Variants in NTN4 observed in about 807,000 individuals in gnomAD.
The protein encoded by NTN4 is netrin 4.
NTN4 carries 32 observed loss-of-function variants against 73.6 expected under a neutral mutation model. That is an observed-to-expected ratio of 0.44 (90% CI 0.33 to 0.58). NTN4 has a LOEUF of 0.58. Ranked by LOEUF, NTN4 falls within the 20% of genes least tolerant of loss-of-function variation. The pLI is 0.04. For missense variants in NTN4, 654 were observed against 798.3 expected, an observed-to-expected ratio of 0.82 and a Z score of 2.18; for synonymous variants, 258 against 287.5, an observed-to-expected ratio of 0.90 and a Z score of 1.04.
chr12:95,697,998 C>T lies in NTN4; in HGVS notation c.1180+12443G>A, dbSNP rs144245177. On this transcript the variant is annotated intron_variant, in intron 5 of 9. Transcript: ENST00000343702. ...AACACTACAGTATAACAACTATTTA[C>T]ACAGCATTTACATTGTATTAGGTAT... Among the ~76,000 whole-genome samples, 512 of 152,306 alleles carry T rather than the reference C, an allele frequency of 3.4e-3. 4 individuals are homozygous for T. Among genetic ancestry groups the T allele is most frequent in the African/African-American group, 0.011 (464 of 41,572 alleles).
intron 2 of NTN4, among the ~76,000 whole-genome samples, chr12:95,773,248 C>A (rs1243366879): frequency 6.6e-6 from 1 of 152,150 alleles, no homozygotes; most frequent in Non-Finnish European, 1.5e-5. Flanking sequence ...AGGTGATTCA[C>A]CAGCCTCGGC....
At chr12:95,780,593 G>A (rs549019607) in intron 2 of NTN4, among the ~76,000 whole-genome samples, 87 of 152,170 alleles carry the variant, frequency 5.7e-4, no homozygotes, top group African/African-American at 1.3e-3. Context: ...AATCAAAACC[G>A]CAATGAGATA....
chr12:95,763,940 C>T (rs1401251619), intron 2 of NTN4, among the ~76,000 whole-genome samples: 1 of 152,120 alleles, frequency 6.6e-6, no homozygotes, highest in Non-Finnish European at 1.5e-5. Flanking sequence ...AACTGGAATG[C>T]AAGACTGAAG....
rs2078791631 is a variant in NTN4, at chr12:95,737,941, G to T, written c.789C>A (p.Phe263Leu). 6.2e-7 allele frequency: 1 copy of T among 1,614,018 alleles called. No individual in the cohort carries two copies. The highest frequency in any genetic ancestry group is 1.1e-5 in the South Asian group (1 of 91,092). Residue 263 changes from phenylalanine (F) to leucine (L), a missense_variant, in exon 3 of 10, where the codon TTC becomes TTA. Physicochemically the swap from Phe to Leu is conservative, Grantham distance 22. Transcript: ENST00000343702. Reference protein sequence around the residue: ...IYDFIVKGSCFCNGHADQCIP... With the variant: ...IYDFIVKGSCLCNGHADQCIP... ...TGCATTGATCAGCGTGGCCATTGCA[G>T]AAGCAGCTGCCCTTGACAATGAAAT...
chr12:95,727,052 T>G (rs188104373), intron 3 of NTN4, among the ~76,000 whole-genome samples: 1 of 152,210 alleles, frequency 6.6e-6, no homozygotes, highest in Middle Eastern at 3.2e-3. Flanking sequence ...CAGCAATGTA[T>G]GAAGGTTCCA....
intron 3 of NTN4, among the ~76,000 whole-genome samples, chr12:95,718,553 A>G (rs559040251): frequency 6.2e-4 from 95 of 152,292 alleles, no homozygotes; most frequent in African/African-American, 2.2e-3. Context: ...GAAACTACCC[A>G]AAATCCTTTT....
chr12:95,731,512 G>T lies in NTN4; in HGVS notation c.864+6354C>A, dbSNP rs2078737037. ...ATCTGGGAGGCAGAGGTTGCAGTGAGCCGAGATTGCGCCACTGTGCAACAG... is the reference window on the plus strand; with the variant it reads ...ATCTGGGAGGCAGAGGTTGCAGTGATCCGAGATTGCGCCACTGTGCAACAG... On this transcript the variant is annotated intron_variant, in intron 3 of 9. Coordinates refer to ENST00000343702, the MANE Select transcript of NTN4 (RefSeq NM_021229.4). Among the ~76,000 whole-genome samples, 6 of 152,272 alleles carry T rather than the reference G, an allele frequency of 3.9e-5. No individual in the cohort carries two copies. The South Asian group carries it at 1.2e-3, about 32-fold the overall frequency.
At chr12:95,707,305 G>A (rs905980260) in intron 5 of NTN4, among the ~76,000 whole-genome samples, 1 of 152,030 alleles carries the variant, frequency 6.6e-6, no homozygotes, top group African/African-American at 2.4e-5. Flanking sequence ...ATGCAGCCAC[G>A]CTAACCCCCA....
chr12:95,699,277 CT>C (rs2078465345), intron 5 of NTN4, among the ~76,000 whole-genome samples: 1 of 152,154 alleles, frequency 6.6e-6, no homozygotes, highest in Non-Finnish European at 1.5e-5. Context: ...CCTCAATAAC[CT>C]TTGGGAAGGA....
At chr12:95,703,201 G>A (rs187496338) in intron 5 of NTN4, among the ~76,000 whole-genome samples, 22 of 152,214 alleles carry the variant, frequency 1.4e-4, no homozygotes, top group Admixed American at 1.4e-3. Context: ...AGAAGAGAGA[G>A]AAGAAGAAAA....
intron 2 of NTN4, among the ~76,000 whole-genome samples, chr12:95,751,819 T>G (rs1377575012): frequency 2.1e-5 from 2 of 95,310 alleles, no homozygotes; most frequent in African/African-American, 8.1e-5. Flanking sequence ...ATAACTGTTA[T>G]GGGTATTGAC....
intron 3 of NTN4, among the ~76,000 whole-genome samples, chr12:95,736,813 G>T (rs1452148791): frequency 6.6e-6 from 1 of 152,174 alleles, no homozygotes; most frequent in Non-Finnish European, 1.5e-5. Flanking sequence ...TAGTTACCCT[G>T]ATGCTGCCCC....
intron 7 of NTN4, among the ~76,000 whole-genome samples, chr12:95,678,498 A>C (rs1284657726): frequency 6.6e-6 from 1 of 152,148 alleles, no homozygotes; most frequent in Non-Finnish European, 1.5e-5. Flanking sequence ...TTAACGATAA[A>C]ATTAGAAATA....
At chr12:95,709,759 G>C (rs2078549740) in intron 5 of NTN4, among the ~76,000 whole-genome samples, 1 of 152,002 alleles carries the variant, frequency 6.6e-6, no homozygotes. Context: ...TCTCGAACTT[G>C]TAAGCTCAAA....
chr12:95,776,988 G>A (rs2079098165), intron 2 of NTN4, among the ~76,000 whole-genome samples: 2 of 152,202 alleles, frequency 1.3e-5, no homozygotes, highest in African/African-American at 4.8e-5. Flanking sequence ...CAAGCCAGAA[G>A]AGAGTGGGGG....
chr12:95,704,041 T>C (rs918371098), intron 5 of NTN4, among the ~76,000 whole-genome samples: 3 of 151,562 alleles, frequency 2.0e-5, no homozygotes, highest in Non-Finnish European at 2.9e-5. Flanking sequence ...TGATCCTCCC[T>C]CCTCAGCCTC....
chr12:95,672,281 G>A, intron 7 of NTN4: 1 of 751,114 alleles, frequency 1.3e-6, no homozygotes, highest in Non-Finnish European at 2.5e-6. Flanking sequence ...ACCCCAGCTG[G>A]CACTGCCTCC....
chr12:95,660,702 A>C (rs2078131078), intron 9 of NTN4, among the ~76,000 whole-genome samples: 1 of 152,324 alleles, frequency 6.6e-6, no homozygotes, highest in Non-Finnish European at 1.5e-5. Flanking sequence ...TTATGTTTAT[A>C]AAATAAAAAC....
At chr12:95,751,996 C>G (rs964106221) in intron 2 of NTN4, among the ~76,000 whole-genome samples, 15 of 151,150 alleles carry the variant, frequency 9.9e-5, no homozygotes, top group Non-Finnish European at 1.8e-4. Context: ...ACAGCTATAT[C>G]TCATTGCCGC....
Sources: allele counts gnomAD v4.1 joint callset (sites outside exome capture counted in the v4.1 genomes callset), GRCh38; gene constraint gnomAD v4.1.1; transcripts MANE v1.5; gene names NCBI Gene and HGNC (gene_info 2026-07-23, HGNC 2026-07-21).